MNAT1: variants seen among roughly 807,000 people sequenced by gnomAD.
The protein encoded by MNAT1 is CDK-activating kinase assembly factor MAT1.
A neutral mutation model predicts 42.0 loss-of-function variants in MNAT1; 43 were observed. That is an observed-to-expected ratio of 1.02 (90% CI 0.80 to 1.32). MNAT1 has a LOEUF of 1.32. Ranked by LOEUF, MNAT1 falls within the 40% of genes most tolerant of loss-of-function variation. The pLI is 0.00. For synonymous variants in MNAT1, 118 were observed against 120.0 expected, an observed-to-expected ratio of 0.98 and a Z score of 0.11; for missense variants, 306 against 350.4, an observed-to-expected ratio of 0.87 and a Z score of 1.01.
In MNAT1 at chr14:60,812,052, A is replaced by G. The variant is rs538246113; in HGVS notation, c.486A>G (p.Arg162=). Residue 162 remains arginine, a synonymous_variant, in exon 5 of 8, where the codon AGA becomes AGG. Coordinates refer to ENST00000261245, the MANE Select transcript of MNAT1 (RefSeq NM_002431.4). The part of the protein sequence containing the change: ...EVERQENEQR[R]LFIQKEEQLQ... ...AACGACAGGAAAATGAACAAAGAAG[A>G]TTATTTATACAAAAAGAAGAACAAC... 17 of 1,606,792 alleles carry G rather than the reference A, an allele frequency of 1.1e-5. No homozygotes were observed. Among genetic ancestry groups the G allele is most frequent in the Admixed American group, 1.7e-5 (1 of 58,670 alleles).
At chr14:60,788,055 A>G (rs1005018903) in intron 1 of MNAT1, among the ~76,000 whole-genome samples, 3 of 152,200 alleles carry the variant, frequency 2.0e-5, no homozygotes, top group African/African-American at 7.2e-5. Flanking sequence ...CAGATCTATC[A>G]GAGGAATCAT....
intron 6 of MNAT1, among the ~76,000 whole-genome samples, chr14:60,820,591 G>A (rs1461908757): frequency 1.3e-5 from 2 of 150,654 alleles, no homozygotes; most frequent in Non-Finnish European, 3.0e-5. Context: ...AGATACTTCG[G>A]TATTAAGTTG....
At chr14:60,813,514 C>A (rs904377793) in intron 5 of MNAT1, among the ~76,000 whole-genome samples, 3 of 152,148 alleles carry the variant, frequency 2.0e-5, no homozygotes, top group African/African-American at 7.2e-5. Flanking sequence ...AAGATGCTAA[C>A]ATTTTAGGGC....
chr14:60,768,166 G>T (rs1166135373), intron 1 of MNAT1, among the ~76,000 whole-genome samples: 1 of 152,196 alleles, frequency 6.6e-6, no homozygotes, highest in Non-Finnish European at 1.5e-5. Context: ...CTCCCAAAGT[G>T]CTGGGTTTAT....
chr14:60,852,542 T>C (rs1426645825), intron 6 of MNAT1, among the ~76,000 whole-genome samples: 1 of 152,236 alleles, frequency 6.6e-6, no homozygotes, highest in African/African-American at 2.4e-5. Context: ...AGAAGCTCTT[T>C]AGCTTGGTTA....
intron 7 of MNAT1, among the ~76,000 whole-genome samples, chr14:60,916,121 G>A (rs1356254288): frequency 1.3e-5 from 2 of 152,168 alleles, no homozygotes; most frequent in African/African-American, 2.4e-5. Context: ...AACATCTATA[G>A]CCTGATGTTG....
At chr14:60,800,741 A>AG (rs1313362382) in intron 3 of MNAT1, among the ~76,000 whole-genome samples, 2 of 152,184 alleles carry the variant, frequency 1.3e-5, no homozygotes, top group Non-Finnish European at 1.5e-5. Flanking sequence ...CCTTTAACAA[A>AG]CTTATTTAAA....
intron 6 of MNAT1, among the ~76,000 whole-genome samples, chr14:60,848,341 G>C (rs904780513): frequency 7.2e-5 from 11 of 152,026 alleles, no homozygotes; most frequent in Non-Finnish European, 1.2e-4. Context: ...TTTTCTCTTT[G>C]TGTTCATCTT....
chr14:60,778,003 G>A (rs1354671737), intron 1 of MNAT1, among the ~76,000 whole-genome samples: 1 of 152,204 alleles, frequency 6.6e-6, no homozygotes, highest in Non-Finnish European at 1.5e-5. Flanking sequence ...AGGAATGCCA[G>A]GCAGACTTTG....
chr14:60,765,474 A>G (rs1441745755), intron 1 of MNAT1, among the ~76,000 whole-genome samples: 2 of 152,228 alleles, frequency 1.3e-5, no homozygotes, highest in African/African-American at 4.8e-5. Flanking sequence ...ATACTTATGT[A>G]ACAAACCTGC....
At chr14:60,942,480 C>G (rs1048696462) in intron 7 of MNAT1, among the ~76,000 whole-genome samples, 11 of 124,526 alleles carry the variant, frequency 8.8e-5, no homozygotes, top group African/African-American at 3.2e-4. Flanking sequence ...CTCTTTTAGT[C>G]TTATTTAAAA....
At chr14:60,931,549 A>C (rs964103559) in intron 7 of MNAT1, among the ~76,000 whole-genome samples, 4 of 152,214 alleles carry the variant, frequency 2.6e-5, no homozygotes, top group African/African-American at 9.6e-5. Flanking sequence ...ATTCTGTGAT[A>C]ACAAAGCCCA....
chr14:60,876,494 T>G (rs1026671997), intron 6 of MNAT1, among the ~76,000 whole-genome samples: 12 of 152,026 alleles, frequency 7.9e-5, no homozygotes, highest in Admixed American at 7.9e-4. Flanking sequence ...TACATCCAAA[T>G]TGTTCTGCAT....
chr14:60,919,854 C>A, intron 7 of MNAT1: 1 of 160,696 alleles, frequency 6.2e-6, no homozygotes, highest in South Asian at 1.8e-4. Flanking sequence ...TTGTTCCTGT[C>A]CTCAATAATC....
intron 1 of MNAT1, among the ~76,000 whole-genome samples, chr14:60,763,345 T>G (rs1400489366): frequency 6.6e-6 from 1 of 152,096 alleles, no homozygotes; most frequent in East Asian, 1.9e-4. Flanking sequence ...AGTGGAGTGG[T>G]TTATTATTTT....
At chr14:60,867,714 C>G (rs930814174) in intron 6 of MNAT1, among the ~76,000 whole-genome samples, 3 of 152,046 alleles carry the variant, frequency 2.0e-5, no homozygotes, top group Non-Finnish European at 4.4e-5. Flanking sequence ...GTTTCAGTCT[C>G]CTCACTTATA....
At chr14:60,762,133 A>G (rs2030625639) in intron 1 of MNAT1, among the ~76,000 whole-genome samples, 1 of 152,142 alleles carries the variant, frequency 6.6e-6, no homozygotes, top group African/African-American at 2.4e-5. Flanking sequence ...CTTTTAACAC[A>G]GCAAATTGCT....
At position 60,969,432 on chromosome 14, in the gene MNAT1, T is replaced by TC. The variant is rs763548637; in HGVS notation, c.*1085dup. 1 of 152,202 alleles carries TC rather than the reference T, an allele frequency of 6.6e-6. No homozygotes were observed. The highest frequency in any genetic ancestry group is 1.5e-5 in the Non-Finnish European group (1 of 68,022). The allele number at this position is 152,202 out of a possible 1,614,324, so 9.4% of individuals were successfully genotyped here. On this transcript the variant is annotated 3_prime_UTR_variant, in exon 8 of 8. Transcript: ENST00000261245. ...GGATGGACTATCCATCTGTAACAACTCCATCTTATTTTACTAAGCAGTTAT... is the reference window on the plus strand; with the variant it reads ...GGATGGACTATCCATCTGTAACAACTCCCATCTTATTTTACTAAGCAGTTAT...
chr14:60,870,098 C>T (rs372325703), intron 6 of MNAT1, among the ~76,000 whole-genome samples: 14 of 152,144 alleles, frequency 9.2e-5, no homozygotes, highest in Admixed American at 5.2e-4. Flanking sequence ...TATAACTACC[C>T]GTGTCAGCAT....
Sources: gnomAD v4.1 joint callset for allele counts (sites outside exome capture counted in the v4.1 genomes callset) on GRCh38, gnomAD v4.1.1 for gene constraint, MANE v1.5 for transcripts, NCBI Gene and HGNC (gene_info 2026-07-23, HGNC 2026-07-21) for gene names.